TEKT2: variants seen among roughly 807,000 people sequenced by gnomAD.
TEKT2 encodes the protein tektin-2.
A neutral mutation model predicts 49.8 loss-of-function variants in TEKT2; 45 were observed. The observed-to-expected ratio is 0.90, with a 90% confidence interval of 0.71 to 1.16. TEKT2 has a LOEUF of 1.16. Ranked by LOEUF, TEKT2 falls within the 50% of genes most tolerant of loss-of-function variation. The pLI is 0.00. For synonymous variants in TEKT2, 202 were observed against 224.6 expected, an observed-to-expected ratio of 0.90 and a Z score of 0.90; for missense variants, 523 against 551.4, an observed-to-expected ratio of 0.95 and a Z score of 0.52.
In TEKT2 at chr1:36,087,367, C is replaced by T; in HGVS notation, c.855+56C>T. 6.2e-7 allele frequency: 1 copy of T among 1,613,714 alleles called. No individual in the cohort carries two copies. The highest frequency in any genetic ancestry group is 1.1e-5 in the South Asian group (1 of 91,072). On this transcript the variant is annotated intron_variant, in intron 7 of 9. Coordinates refer to ENST00000207457, the MANE Select transcript of TEKT2 (RefSeq NM_014466.3). The surrounding 1 kb of genome is among the most constrained non-coding windows in gnomAD (Gnocchi z 4.9). Reference sequence around the variant, plus strand: ...CTGTGGGATGAGAAGCCGCATGCCCCCGCCAGGAGGCACTGGACCAGGCAT... The same window carrying T: ...CTGTGGGATGAGAAGCCGCATGCCCTCGCCAGGAGGCACTGGACCAGGCAT...
Position 36,086,736 on chromosome 1 carries a change from C to G in TEKT2, c.521C>G (p.Ser174Cys). Residue 174 changes from serine to cysteine, a missense_variant, in exon 5 of 10, where the codon TCC (serine) becomes TGC (cysteine). Physicochemically the swap from Ser to Cys is moderately radical, Grantham distance 112. Coordinates refer to ENST00000207457, the MANE Select transcript of TEKT2 (RefSeq NM_014466.3). ...CAGGAAGTCCAACAGCAGCTCAACT[C>G]CGACCATCGGGGCAAAATGGAGACA... ...LLQEVQQQLN[S>C]DHRGKMETLE... is the part of the protein sequence containing the mutation. The G allele has an allele frequency of 1.2e-6, 2 of 1,614,142 alleles. No homozygotes were observed. Among genetic ancestry groups the G allele is most frequent in the Non-Finnish European group, 1.7e-6 (2 of 1,180,034 alleles).
chr1:36,087,532 C>T lies in TEKT2; in HGVS notation c.949C>T (p.Arg317Trp), dbSNP rs749734626. ...CCTGAGCCTGAAGCTGTCCCATACCCGGCTAGAGGCCAGAACCTACCGGCC... is the reference window on the plus strand; with the variant it reads ...CCTGAGCCTGAAGCTGTCCCATACCTGGCTAGAGGCCAGAACCTACCGGCC... ...KLLSLKLSHTRLEARTYRPNV... is the reference protein window; with the variant it reads ...KLLSLKLSHTWLEARTYRPNV... Residue 317 changes from arginine (R) to tryptophan (W), a missense_variant, in exon 8 of 10, where the codon CGG becomes TGG. Coordinates refer to ENST00000207457, the MANE Select transcript of TEKT2 (RefSeq NM_014466.3). This position sits in a 1 kb window ranked among gnomAD's most constrained non-coding sequence, Gnocchi z 4.9. The T allele has an allele frequency of 4.3e-6, 7 of 1,613,874 alleles. No homozygotes were observed. In the Admixed American group the frequency reaches 5.0e-5, roughly 12 times the overall value.
Position 36,085,168 on chromosome 1 carries a change from T to C in TEKT2, c.162T>C (p.Ile54=). The C allele has an allele frequency of 1.2e-6, 2 of 1,614,162 alleles. No individual in the cohort carries two copies. Among genetic ancestry groups the C allele is most frequent in the Non-Finnish European group, 1.7e-6 (2 of 1,180,014 alleles). ...VLRNETNNQT[I]WDEHDNRTRL... is the part of the protein sequence containing the mutation. ...TCTGGCTCTGTCTCTCTCAGACCAT[T>C]TGGGATGAACATGACAACAGGACTC... Residue 54 remains isoleucine (I), a synonymous_variant, in exon 3 of 10, where the codon ATT becomes ATC. Transcript: ENST00000207457.
rs146762659 is a variant in TEKT2, at chr1:36,086,745, G to A, written c.530G>A (p.Arg177Gln). 1.2e-4 allele frequency: 190 copies of A among 1,614,044 alleles called. 1 individual carries two copies. The highest frequency in any genetic ancestry group is 1.4e-4 in the Non-Finnish European group (171 of 1,180,028). The change falls in exon 5 of 10, where the codon CGG (arginine) becomes CAG (glutamine). Residue 177 changes from arginine (R) to glutamine (Q), a missense_variant. Transcript: ENST00000207457. Reference protein sequence around the residue: ...EVQQQLNSDHRGKMETLEIDR... With the variant: ...EVQQQLNSDHQGKMETLEIDR... Reference sequence around the variant, plus strand: ...CAACAGCAGCTCAACTCCGACCATCGGGGCAAAATGGAGACACTAGAGATC... The same window carrying A: ...CAACAGCAGCTCAACTCCGACCATCAGGGCAAAATGGAGACACTAGAGATC...
chr1:36,086,656 C>T, intron 4 of TEKT2, 48 bp from the exon 5 acceptor site: 1 of 1,613,484 alleles, frequency 6.2e-7, no homozygotes, highest in Non-Finnish European at 8.5e-7. Context: ...GTGAGGCCTG[C>T]CTCTGGCCCT....
At position 36,086,718 on chromosome 1, in the gene TEKT2, T is replaced by C. The variant is rs201802238; in HGVS notation, c.503T>C (p.Val168Ala). 1.8e-5 allele frequency: 29 copies of C among 1,613,900 alleles called. No individual in the cohort carries two copies. The African/African-American group carries it at 3.5e-4, about 19-fold the overall frequency. The part of the protein sequence containing the change: ...AFEQLCLLQE[V>A]QQQLNSDHRG... ...GCTTTCCCCAGCCTCTTGCAGGAAG[T>C]CCAACAGCAGCTCAACTCCGACCAT... The change falls in exon 5 of 10, where the codon GTC (valine) becomes GCC (alanine). Residue 168 changes from valine to alanine, a missense_variant. Physicochemically the swap from Val to Ala is moderately conservative, Grantham distance 64. Transcript: ENST00000207457.
At chr1:36,086,461 G>A (rs778654181) in intron 4 of TEKT2, among the ~76,000 whole-genome samples, 2 of 151,496 alleles carry the variant, frequency 1.3e-5, no homozygotes, top group African/African-American at 2.4e-5. Flanking sequence ...ATTTTCATCC[G>A]ATTTTCATCC....
At position 36,087,418 on chromosome 1, in the gene TEKT2, C is replaced by T; in HGVS notation, c.856-21C>T. ...GCACGTGAGTCCAGCAGGTGGAAACCAGTCACTCTGTCCCCTGCAGACCTT... is the reference window on the plus strand; with the variant it reads ...GCACGTGAGTCCAGCAGGTGGAAACTAGTCACTCTGTCCCCTGCAGACCTT... On this transcript the variant is annotated intron_variant, in intron 7 of 9. Coordinates refer to ENST00000207457, the MANE Select transcript of TEKT2 (RefSeq NM_014466.3). The surrounding 1 kb of genome is among the most constrained non-coding windows in gnomAD (Gnocchi z 4.9). 6.2e-7 allele frequency: 1 copy of T among 1,613,862 alleles called. No homozygotes were observed. Among genetic ancestry groups the T allele is most frequent in the Non-Finnish European group, 8.5e-7 (1 of 1,180,034 alleles).
Position 36,084,560 on chromosome 1 carries a change from T to G in TEKT2, c.-52-310T>G. 2.6e-6 allele frequency: 1 copy of G among 383,910 alleles called. No homozygotes were observed. The highest frequency in any genetic ancestry group is 4.9e-6 in the Non-Finnish European group (1 of 205,354). The allele number at this position is 383,910 out of a possible 1,614,324, so 23.8% of individuals were successfully genotyped here. A position where few individuals can be genotyped will look rare whatever the true frequency, so the allele number is the denominator to read the frequency against. ...GGAAAATGCATTAAGGGCAATTTTTTTCTGCCATCCGCCTACCCCCCAGGC... is the reference window on the plus strand; with the variant it reads ...GGAAAATGCATTAAGGGCAATTTTTGTCTGCCATCCGCCTACCCCCCAGGC... On this transcript the variant is annotated intron_variant, in intron 1 of 9. Coordinates refer to ENST00000207457, the MANE Select transcript of TEKT2 (RefSeq NM_014466.3). This position sits in a 1 kb window ranked among gnomAD's most constrained non-coding sequence, Gnocchi z 4.1.
In TEKT2 at chr1:36,087,708, C is replaced by T; in HGVS notation, c.1000-20C>T. ...AGGACAGTGTGGCTGACTTGGAACT[C>T]CCAACCCCTCTGCCTCCAGGCACAG... On this transcript the variant is annotated intron_variant, in intron 8 of 9. Coordinates refer to ENST00000207457, the MANE Select transcript of TEKT2 (RefSeq NM_014466.3). The surrounding 1 kb of genome is among the most constrained non-coding windows in gnomAD (Gnocchi z 4.9). 6.2e-7 allele frequency: 1 copy of T among 1,613,314 alleles called. No homozygotes were observed. Among genetic ancestry groups the T allele is most frequent in the Non-Finnish European group, 8.5e-7 (1 of 1,179,810 alleles).
chr1:36,087,212 C>CTTGGTCT lies in TEKT2; in HGVS notation c.756_757insTTGGTCT (p.Glu253LeufsTer3). On this transcript the variant is annotated frameshift_variant, in exon 7 of 10. Coordinates refer to ENST00000207457, the MANE Select transcript of TEKT2 (RefSeq NM_014466.3). LOFTEE classifies it high-confidence loss of function. The surrounding 1 kb of genome is among the most constrained non-coding windows in gnomAD (Gnocchi z 4.9). ...TGTGTTTTCTCCTTCAGACCAACAACGAGCTTGAAGCCCAGAGAGTTGCAA... is the reference window on the plus strand; with the variant it reads ...TGTGTTTTCTCCTTCAGACCAACAACTTGGTCTGAGCTTGAAGCCCAGAGAGTTGCAA... The CTTGGTCT allele has an allele frequency of 6.2e-7, 1 of 1,614,116 alleles. No homozygotes were observed. The highest frequency in any genetic ancestry group is 1.1e-5 in the South Asian group (1 of 91,088).
At position 36,087,051 on chromosome 1, in the gene TEKT2, A is replaced by G. The variant is rs571770654; in HGVS notation, c.747+6A>G. ...CTGCTCTAACTATTGCTGAGGTGACAGGCCACCCACAGCTAATGGATGGTC... is the reference window on the plus strand; with the variant it reads ...CTGCTCTAACTATTGCTGAGGTGACGGGCCACCCACAGCTAATGGATGGTC... On this transcript the variant is annotated splice_donor_region_variant and intron_variant, in intron 6 of 9. Transcript: ENST00000207457. This position sits in a 1 kb window ranked among gnomAD's most constrained non-coding sequence, Gnocchi z 4.9. The G allele has an allele frequency of 6.2e-7, 1 of 1,613,540 alleles. No individual in the cohort carries two copies. The highest frequency in any genetic ancestry group is 1.1e-5 in the South Asian group (1 of 91,030).
Position 36,087,775 on chromosome 1 carries a change from C to T in TEKT2, c.1047C>T (p.Ile349=). The change falls in exon 9 of 10, where the codon ATC becomes ATT. Residue 349 remains isoleucine, a synonymous_variant. Transcript: ENST00000207457. The surrounding 1 kb of genome is among the most constrained non-coding windows in gnomAD (Gnocchi z 4.9). ...AGGTTCACCAGCTAGAGGCAACCAT[C>T]GCTGCCCTGAAGCAGAAGCTGGCGC... The part of the protein sequence containing the change: ...TDEVHQLEAT[I]AALKQKLAQA... 3 of 1,613,806 alleles carry T rather than the reference C, an allele frequency of 1.9e-6. No individual in the cohort carries two copies. The highest frequency in any genetic ancestry group is 1.3e-5 in the African/African-American group (1 of 75,062).
In TEKT2 at chr1:36,084,953, G is replaced by C. The variant is rs771520973; in HGVS notation, c.32G>C (p.Arg11Pro). Residue 11 changes from arginine (R) to proline (P), a missense_variant, in exon 2 of 10, where the codon CGC becomes CCC. Coordinates refer to ENST00000207457, the MANE Select transcript of TEKT2 (RefSeq NM_014466.3). The surrounding 1 kb of genome is among the most constrained non-coding windows in gnomAD (Gnocchi z 4.1). MATLSVKPSR[R>P]FQLPDWHTNS... Reference sequence around the variant, plus strand: ...ACGCTGAGCGTCAAGCCAAGTCGGCGCTTCCAGCTGCCCGACTGGCACACT... The same window carrying C: ...ACGCTGAGCGTCAAGCCAAGTCGGCCCTTCCAGCTGCCCGACTGGCACACT... The C allele has an allele frequency of 1.2e-6, 2 of 1,614,070 alleles. No individual in the cohort carries two copies. The highest frequency in any genetic ancestry group is 2.2e-5 in the South Asian group (2 of 91,074).
Position 36,087,411 on chromosome 1 carries a change from T to C in TEKT2, c.856-28T>C. On this transcript the variant is annotated intron_variant, in intron 7 of 9. Transcript: ENST00000207457. The surrounding 1 kb of genome is among the most constrained non-coding windows in gnomAD (Gnocchi z 4.9). ...CAGGCATGCACGTGAGTCCAGCAGG[T>C]GGAAACCAGTCACTCTGTCCCCTGC... 6.2e-7 allele frequency: 1 copy of C among 1,613,736 alleles called. No homozygotes were observed. The highest frequency in any genetic ancestry group is 8.5e-7 in the Non-Finnish European group (1 of 1,179,992).
chr1:36,088,147 CCT>C lies in TEKT2; in HGVS notation c.1255_1256del (p.Leu419GlufsTer34), dbSNP rs1643418426. 6.2e-7 allele frequency: 1 copy of C among 1,613,008 alleles called. No homozygotes were observed. The highest frequency in any genetic ancestry group is 8.5e-7 in the Non-Finnish European group (1 of 1,179,988). On this transcript the variant is annotated frameshift_variant, in exon 10 of 10. Coordinates refer to ENST00000207457, the MANE Select transcript of TEKT2 (RefSeq NM_014466.3). LOFTEE classifies it high-confidence loss of function. ...DTFTRTTNST[L>X]SPLKSCQLEL... ...CCTTCACACGTACCACAAATAGCAC[CCT>C]GAGTCCACTCAAAAGCTGCCAGCTG...
rs1214803394 is a variant in TEKT2, at chr1:36,087,697, G to A, written c.1000-31G>A. On this transcript the variant is annotated intron_variant, in intron 8 of 9. Transcript: ENST00000207457. The surrounding 1 kb of genome is among the most constrained non-coding windows in gnomAD (Gnocchi z 4.9). Reference sequence around the variant, plus strand: ...CACTCAGGTAAAGGACAGTGTGGCTGACTTGGAACTCCCAACCCCTCTGCC... The same window carrying A: ...CACTCAGGTAAAGGACAGTGTGGCTAACTTGGAACTCCCAACCCCTCTGCC... 2.5e-6 allele frequency: 4 copies of A among 1,613,016 alleles called. No individual in the cohort carries two copies. The highest frequency in any genetic ancestry group is 3.4e-6 in the Non-Finnish European group (4 of 1,179,680).
chr1:36,085,776 T>G, intron 3 of TEKT2, 60 bp from the exon 4 acceptor site: 1 of 1,550,238 alleles, frequency 6.5e-7, no homozygotes, highest in Non-Finnish European at 8.8e-7. Context: ...CAACTCGGCC[T>G]CCCGAAGTGC....
At position 36,084,618 on chromosome 1, in the gene TEKT2, G is replaced by A. The variant is rs1232236196; in HGVS notation, c.-52-252G>A. 4 of 514,836 alleles carry A rather than the reference G, an allele frequency of 7.8e-6. No individual in the cohort carries two copies. The highest frequency in any genetic ancestry group is 3.2e-5 in the Admixed American group (1 of 31,158). 31.9% of individuals were successfully genotyped at this position (514,836 alleles called of 1,614,324 possible). On this transcript the variant is annotated intron_variant, in intron 1 of 9. Transcript: ENST00000207457. The surrounding 1 kb of genome is among the most constrained non-coding windows in gnomAD (Gnocchi z 4.1). ...ACTTCACACACACTTCGAGGCTTCC[G>A]GGACTCCATTATTCCTTTTTACCTG...
Sources: gnomAD v4.1 joint callset for allele counts (sites outside exome capture counted in the v4.1 genomes callset) on GRCh38, gnomAD v4.1.1 for gene constraint, Gnocchi (gnomAD v3.1) non-coding constraint, MANE v1.5 for transcripts, NCBI Gene and HGNC (gene_info 2026-07-23, HGNC 2026-07-21) for gene names.